The following LARP1B variants were observed in gnomAD, a reference collection of about 807,000 sequenced individuals.
The protein encoded by LARP1B is La ribonucleoprotein 1B.
LARP1B carries 76 observed loss-of-function variants against 114.2 expected under a neutral mutation model. The ratio of observed to expected loss-of-function variants is 0.67; its 90% CI spans 0.55 to 0.81. LARP1B has a LOEUF of 0.81. LARP1B is among the 30% of genes least tolerant of loss of function. LARP1B has a pLI of 0.00. For synonymous variants in LARP1B, 345 were observed against 348.0 expected (o/e 0.99, Z 0.10); for missense variants, 1,014 against 1,075.8 (o/e 0.94, Z 0.80).
intron 11 of LARP1B, among the ~76,000 whole-genome samples, chr4:128,131,370 G>A (rs141947896): frequency 6.8e-4 from 104 of 152,236 alleles, no homozygotes; most frequent in African/African-American, 2.3e-3. Flanking sequence ...GAGGGGCAAA[G>A]AGCTTATTTT....
intron 9 of LARP1B, 109 bp from the exon 10 acceptor site, chr4:128,114,461 A>G (rs1785138141): frequency 2.6e-6 from 2 of 783,134 alleles, no homozygotes; most frequent in Non-Finnish European, 2.1e-6. Flanking sequence ...GAGACTGATC[A>G]TGTTTTTGTG....
At chr4:128,091,598 A>ATT in intron 7 of LARP1B, 86 bp downstream of exon 7, 1 of 1,119,512 alleles carries the variant, frequency 8.9e-7, no homozygotes, top group Non-Finnish European at 1.2e-6. Flanking sequence ...AATATGCTAT[A>ATT]ATTTTTTTTT....
intron 8 of LARP1B, among the ~76,000 whole-genome samples, chr4:128,100,312 G>A (rs920919892): frequency 4.7e-5 from 7 of 150,374 alleles, no homozygotes; most frequent in Admixed American, 6.7e-5. Flanking sequence ...TCTCTCTGTC[G>A]CCCATGCTGG....
intron 10 of LARP1B, among the ~76,000 whole-genome samples, chr4:128,116,606 A>T (rs888189660): frequency 6.6e-6 from 1 of 152,194 alleles, no homozygotes; most frequent in Admixed American, 6.5e-5. Flanking sequence ...ATGCCAGTAT[A>T]TCTGAAATGT....
intron 15 of LARP1B, among the ~76,000 whole-genome samples, chr4:128,196,050 G>A (rs909868005): frequency 1.3e-5 from 2 of 151,834 alleles, no homozygotes; most frequent in Non-Finnish European, 2.9e-5. Context: ...TCAGGAGTTC[G>A]AGACCAGCTT....
chr4:128,134,083 C>G (rs987039202), intron 11 of LARP1B, among the ~76,000 whole-genome samples: 2 of 150,296 alleles, frequency 1.3e-5, no homozygotes, highest in Non-Finnish European at 2.9e-5. Context: ...TCACTGCAGT[C>G]TTGACCTCCT....
rs770196336 is a variant in LARP1B, at chr4:128,098,172, A to T, written c.669-14A>T. On this transcript the variant is annotated splice_polypyrimidine_tract_variant and intron_variant, in intron 7 of 19. Transcript: ENST00000326639. Reference sequence around the variant, plus strand: ...TACTAAATAAATGGATGAAATTCTGATTTCTCTTTTCAGTGAATATTACTT... The same window carrying T: ...TACTAAATAAATGGATGAAATTCTGTTTTCTCTTTTCAGTGAATATTACTT... 6.3e-7 allele frequency: 1 copy of T among 1,590,010 alleles called. No homozygotes were observed. Among genetic ancestry groups the T allele is most frequent in the Non-Finnish European group, 8.6e-7 (1 of 1,159,596 alleles).
intron 8 of LARP1B, among the ~76,000 whole-genome samples, chr4:128,099,339 G>A (rs1033887069): frequency 2.0e-5 from 3 of 147,400 alleles, no homozygotes; most frequent in Non-Finnish European, 4.5e-5. Flanking sequence ...CCAGTATGGA[G>A]TGCAGTGGCA....
chr4:128,137,504 T>C (rs1338716612), intron 11 of LARP1B, among the ~76,000 whole-genome samples: 1 of 152,132 alleles, frequency 6.6e-6, no homozygotes, highest in Non-Finnish European at 1.5e-5. Context: ...ATTTTTTATA[T>C]TCCATTGACT....
At chr4:128,186,572 G>A (rs1383948115) in intron 15 of LARP1B, among the ~76,000 whole-genome samples, 1 of 152,114 alleles carries the variant, frequency 6.6e-6, no homozygotes, top group Non-Finnish European at 1.5e-5. Context: ...TATAATATCA[G>A]ATCATCTGCA....
Position 128,082,291 on chromosome 4 carries a change from G to T in LARP1B, c.344G>T (p.Arg115Ile), listed in dbSNP as rs1262746315. ...AATAAACCAACACATAACAATAGGA[G>T]AAATGATACACGAAGTAAGTTACCA... is the stretch of plus-strand genomic sequence containing the variant. The part of the protein sequence containing the change: ...EANKPTHNNR[R>I]NDTRSWKRDR... The change falls in exon 5 of 20, where the codon AGA becomes ATA. Residue 115 changes from arginine (R) to isoleucine (I), a missense_variant. Transcript: ENST00000326639. 1 of 1,613,822 alleles carries T rather than the reference G, an allele frequency of 6.2e-7. No individual in the cohort carries two copies. The highest frequency in any genetic ancestry group is 1.1e-5 in the South Asian group (1 of 91,014).
At chr4:128,173,951 AGTT>A (rs1048983283) in intron 12 of LARP1B, among the ~76,000 whole-genome samples, 1 of 152,320 alleles carries the variant, frequency 6.6e-6, no homozygotes, top group African/African-American at 2.4e-5. Flanking sequence ...TGAGGCAACT[AGTT>A]ATCTTTCTTT....
intron 12 of LARP1B, among the ~76,000 whole-genome samples, chr4:128,167,118 A>T (rs1329208571): frequency 6.6e-6 from 1 of 151,372 alleles, no homozygotes; most frequent in Admixed American, 6.6e-5. Flanking sequence ...CTCATACTTT[A>T]GTTGTTCCCA....
At chr4:128,204,420 C>G (rs192137071) in intron 17 of LARP1B, among the ~76,000 whole-genome samples, 2 of 151,776 alleles carry the variant, frequency 1.3e-5, no homozygotes, top group Admixed American at 6.6e-5. Flanking sequence ...TTTGGGAGAC[C>G]GAGGTAGGTG....
At chr4:128,077,002 C>G (rs1768190922) in intron 3 of LARP1B, among the ~76,000 whole-genome samples, 1 of 152,138 alleles carries the variant, frequency 6.6e-6, no homozygotes, top group Non-Finnish European at 1.5e-5. Flanking sequence ...GCTAGGATTA[C>G]AGGTGTGAGC....
intron 12 of LARP1B, among the ~76,000 whole-genome samples, chr4:128,176,210 T>TAAATATATAAATATA (rs1487453861): frequency 1.3e-3 from 181 of 143,884 alleles, no homozygotes; most frequent in African/African-American, 3.7e-3. Context: ...ATATTATATA[T>TAAATATATAAATATA]TTATATATAA....
chr4:128,189,725 A>C lies in LARP1B; in HGVS notation c.2004-9714A>C, dbSNP rs544592858. ...TTGCTTTGTGGTTACCATGAGGCTT[A>C]CCAAAGCCATAGCTGTAAGTTATTT... is the stretch of plus-strand genomic sequence containing the variant. On this transcript the variant is annotated intron_variant, in intron 15 of 19. Coordinates refer to ENST00000326639, the MANE Select transcript of LARP1B (RefSeq NM_018078.4). Among the ~76,000 whole-genome samples the C allele has an allele frequency of 4.4e-4, 67 of 152,246 alleles. 1 individual carries two copies. Among genetic ancestry groups the C allele is most frequent in the Admixed American group, 3.6e-3 (55 of 15,288 alleles).
chr4:128,172,937 A>ATGTGTGTGTGTG (rs57382183), intron 12 of LARP1B, among the ~76,000 whole-genome samples: 2,498 of 137,004 alleles, frequency 0.018, 65 homozygotes, highest in African/African-American at 0.058. Flanking sequence ...ATCCCATCCA[A>ATGTGTGTGTGTG]TGTGTGTGTG....
intron 11 of LARP1B, among the ~76,000 whole-genome samples, chr4:128,129,239 C>T (rs2150085335): frequency 7.1e-6 from 1 of 141,692 alleles, no homozygotes; most frequent in South Asian, 2.2e-4. Context: ...CCTGTAGTCC[C>T]AGCTACTGGA....
Sources: gnomAD v4.1 joint callset for allele counts (sites outside exome capture counted in the v4.1 genomes callset) on GRCh38, gnomAD v4.1.1 for gene constraint, MANE v1.5 for transcripts, NCBI Gene and HGNC (gene_info 2026-07-23, HGNC 2026-07-21) for gene names.